The following KIAA1549L variants were observed in gnomAD, a reference collection of about 807,000 sequenced individuals.
KIAA1549L encodes UPF0606 protein KIAA1549L.
In KIAA1549L, 88 loss-of-function variants were observed where a neutral mutation model predicts 160.7. The ratio of observed to expected loss-of-function variants is 0.55; its 90% confidence interval spans 0.46 to 0.65. The LOEUF is 0.65. Ranked by LOEUF, KIAA1549L falls within the 30% of genes least tolerant of loss-of-function variation. The pLI is 0.00. For missense variants in KIAA1549L, 2,258 were observed against 2,437.5 expected (o/e 0.93, Z 1.55); for synonymous variants, 950 against 976.7 (o/e 0.97, Z 0.51).
chr11:33,479,491 A>G (rs1185201241), intron 1 of KIAA1549L, among the ~76,000 whole-genome samples: 2 of 152,260 alleles, frequency 1.3e-5, no homozygotes, highest in Non-Finnish European at 2.9e-5. Context: ...TCTGGGCTGC[A>G]CAGATGACAA....
At position 33,633,139 on chromosome 11, in the gene KIAA1549L, CTTTTTTTTTTTTTTTTTTT is replaced by C. The variant is rs56310347; in HGVS notation, c.5410-12534_5410-12516del. ...GACAGGTGCCCACCACCATGCCCAG[CTTTTTTTTTTTTTTTTTTT>C]TTTTTTTTTTTTGTATTTTTAGTAG... On this transcript the variant is annotated intron_variant, in intron 16 of 20. Coordinates refer to ENST00000658780, the MANE Select transcript of KIAA1549L (RefSeq NM_012194.3). 3.5e-4 allele frequency among the ~76,000 whole-genome samples: 18 copies of C among 50,734 alleles called. No individual in the cohort carries two copies. In the South Asian group the frequency reaches 0.016, roughly 45 times the overall value. The allele number at this position is 50,734 out of a possible 152,430, so 33.3% of individuals were successfully genotyped here.
In KIAA1549L at chr11:33,404,923, G is replaced by T. The variant is rs568580138; in HGVS notation, c.238+28034G>T. Among the ~76,000 whole-genome samples the T allele has an allele frequency of 3.3e-5, 5 of 149,476 alleles. 1 individual carries two copies. Among genetic ancestry groups the T allele is most frequent in the African/African-American group, 1.2e-4 (5 of 40,620 alleles). ...CTCGGGAGGCTGAGGCAGGAAACTT[G>T]CTTGAACCTGGGAGGTGGAGGTTGC... is the stretch of plus-strand genomic sequence containing the variant. On this transcript the variant is annotated intron_variant, in intron 1 of 20. Coordinates refer to ENST00000658780, the MANE Select transcript of KIAA1549L (RefSeq NM_012194.3).
At chr11:33,564,700 T>G (rs1336005881) in intron 8 of KIAA1549L, among the ~76,000 whole-genome samples, 1 of 152,238 alleles carries the variant, frequency 6.6e-6, no homozygotes, top group Non-Finnish European at 1.5e-5. Context: ...ATGGAAAAAT[T>G]TCTTCTGGTC....
rs561548367 is a variant in KIAA1549L, at chr11:33,571,256, C to CTGGTGACAGAGCGAGACTCTG, written c.4230+3042_4230+3062dup. On this transcript the variant is annotated intron_variant, in intron 9 of 20. Transcript: ENST00000658780. ...TGAGATTGCACCCCTGCACTGCAGC[C>CTGGTGACAGAGCGAGACTCTG]TGGTGACAGAGCGAGACTCTGTGGT... Among the ~76,000 whole-genome samples the CTGGTGACAGAGCGAGACTCTG allele has an allele frequency of 4.1e-3, 630 of 152,280 alleles. 4 individuals carry two copies. The highest frequency in any genetic ancestry group is 0.014 in the African/African-American group (600 of 41,536).
intron 1 of KIAA1549L, among the ~76,000 whole-genome samples, chr11:33,429,131 G>A (rs1385688977): frequency 4.6e-5 from 7 of 152,024 alleles, no homozygotes; most frequent in Admixed American, 1.3e-4. Context: ...ACCACTACCC[G>A]CTGCTAATTT....
intron 1 of KIAA1549L, among the ~76,000 whole-genome samples, chr11:33,515,150 A>G (rs1012763378): frequency 2.6e-5 from 4 of 152,326 alleles, no homozygotes; most frequent in Admixed American, 6.5e-5. Context: ...GAGCTGTGGA[A>G]CCCAGTGGTT....
chr11:33,435,798 A>ATATGTGTGTG (rs1565135870), intron 1 of KIAA1549L, among the ~76,000 whole-genome samples: 14 of 7,612 alleles, frequency 1.8e-3, no homozygotes, highest in Non-Finnish European at 2.4e-3. Context: ...ATATATATAT[A>ATATGTGTGTG]TATATATATA....
chr11:33,464,549 C>T (rs1852009597), intron 1 of KIAA1549L, among the ~76,000 whole-genome samples: 1 of 150,294 alleles, frequency 6.7e-6, no homozygotes, highest in African/African-American at 2.5e-5. Flanking sequence ...CGCATTTGTA[C>T]AAGCTAGCTG....
Position 33,609,830 on chromosome 11 carries a change from T to G in KIAA1549L, c.5143T>G (p.Tyr1715Asp), listed in dbSNP as rs554792436. 4 of 1,613,886 alleles carry G rather than the reference T, an allele frequency of 2.5e-6. No homozygotes were observed. In the South Asian group the frequency reaches 4.4e-5, roughly 18 times the overall value. The change falls in exon 15 of 21, where the codon TAC (tyrosine) becomes GAC (aspartate). Residue 1715 changes from tyrosine (Y) to aspartate (D), a missense_variant. Transcript: ENST00000658780. ...CCTCAAAGCCAAGAGGAAGGGATATTACGACTTCCCTGCAGTGGAGACGAG... is the reference window on the plus strand; with the variant it reads ...CCTCAAAGCCAAGAGGAAGGGATATGACGACTTCCCTGCAGTGGAGACGAG... ...LRLKAKRKGYYDFPAVETSKG... is the reference protein window; with the variant it reads ...LRLKAKRKGYDDFPAVETSKG...
intron 1 of KIAA1549L, among the ~76,000 whole-genome samples, chr11:33,439,838 G>A (rs1384479562): frequency 6.6e-6 from 1 of 151,436 alleles, no homozygotes; most frequent in African/African-American, 2.4e-5. Flanking sequence ...GTATTTTCCG[G>A]GTATGTCTTT....
intron 1 of KIAA1549L, among the ~76,000 whole-genome samples, chr11:33,511,491 G>A (rs561676312): frequency 1.3e-5 from 2 of 152,330 alleles, no homozygotes; most frequent in East Asian, 3.9e-4. Flanking sequence ...TATTTCCAAT[G>A]GGAAGATGCT....
chr11:33,488,966 A>G (rs181496037), intron 1 of KIAA1549L, among the ~76,000 whole-genome samples: 49 of 152,326 alleles, frequency 3.2e-4, no homozygotes, highest in African/African-American at 1.1e-3. Context: ...CACAGTTTAC[A>G]GTACATTTCT....
At chr11:33,572,921 C>G (rs930680567) in intron 9 of KIAA1549L, among the ~76,000 whole-genome samples, 3 of 152,228 alleles carry the variant, frequency 2.0e-5, no homozygotes, top group African/African-American at 7.2e-5. Context: ...ACCAAACAGA[C>G]AGGTGTTCCA....
chr11:33,450,635 A>G (rs1751960513), intron 1 of KIAA1549L: 1 of 151,624 alleles, frequency 6.6e-6, no homozygotes, highest in African/African-American at 2.4e-5. Flanking sequence ...TCTTTGCTCA[A>G]CTCCAACACT....
chr11:33,376,774 G>A lies in KIAA1549L; in HGVS notation c.123G>A (p.Thr41=), dbSNP rs1200842424. Residue 41 remains threonine (T), a synonymous_variant, in exon 1 of 21, where the codon ACG becomes ACA. Transcript: ENST00000658780. This position sits in a 1 kb window ranked among gnomAD's most constrained non-coding sequence, Gnocchi z 5.8. The part of the protein sequence containing the change: ...GRAAWGAARC[T]GVRGPGAGAS... Reference sequence around the variant, plus strand: ...CTGCCTGGGGAGCCGCGCGCTGCACGGGTGTGAGGGGCCCCGGGGCCGGCG... The same window carrying A: ...CTGCCTGGGGAGCCGCGCGCTGCACAGGTGTGAGGGGCCCCGGGGCCGGCG... The A allele has an allele frequency of 1.3e-5, 2 of 151,596 alleles. No individual in the cohort carries two copies. Among genetic ancestry groups the A allele is most frequent in the Non-Finnish European group, 2.9e-5 (2 of 67,888 alleles). 9.4% of individuals were successfully genotyped at this position (151,596 alleles called of 1,614,324 possible).
In KIAA1549L at chr11:33,459,421, T is replaced by C. The variant is rs187800389; in HGVS notation, c.239-82381T>C. Among the ~76,000 whole-genome samples, 54 of 152,344 alleles carry C rather than the reference T, an allele frequency of 3.5e-4. 2 individuals carry two copies. The East Asian group carries it at 8.3e-3, about 23-fold the overall frequency. ...ATTACTTGCCCTATCTGCCATCTAA[T>C]GTCACACTGCCTTTGGCCACTTCGT... On this transcript the variant is annotated intron_variant, in intron 1 of 20. Coordinates refer to ENST00000658780, the MANE Select transcript of KIAA1549L (RefSeq NM_012194.3).
chr11:33,656,703 A>C (rs1852075812), intron 18 of KIAA1549L, among the ~76,000 whole-genome samples: 1 of 152,202 alleles, frequency 6.6e-6, no homozygotes, highest in South Asian at 2.1e-4. Context: ...CATGTGGACC[A>C]CTGCCCTGGC....
Position 33,583,543 on chromosome 11 carries a change from G to T in KIAA1549L, c.4566+42G>T, listed in dbSNP as rs770317764. 26 of 1,525,908 alleles carry T rather than the reference G, an allele frequency of 1.7e-5. No homozygotes were observed. In the Admixed American group the frequency reaches 5.3e-4, roughly 31 times the overall value. The allele number at this position is 1,525,908 out of a possible 1,614,324, so 94.5% of individuals were successfully genotyped here. A position where few individuals can be genotyped will look rare whatever the true frequency, so the allele number is the denominator to read the frequency against. On this transcript the variant is annotated intron_variant, in intron 11 of 20. Coordinates refer to ENST00000658780, the MANE Select transcript of KIAA1549L (RefSeq NM_012194.3). The stretch of plus-strand genomic sequence containing the variant: ...GGGAGAGGGGCAGGAGGACAGGCCT[G>T]CAGGAGCTCAGCCTGCCTTTCCCTC...
intron 1 of KIAA1549L, among the ~76,000 whole-genome samples, chr11:33,514,540 T>C (rs533630871): frequency 7.2e-5 from 11 of 152,376 alleles, no homozygotes; most frequent in African/African-American, 2.4e-4. Flanking sequence ...CGGCTTCATA[T>C]CATTTTGCTC....
Sources: gnomAD v4.1 joint callset for allele counts (sites outside exome capture counted in the v4.1 genomes callset) on GRCh38, gnomAD v4.1.1 for gene constraint, Gnocchi (gnomAD v3.1) non-coding constraint, MANE v1.5 for transcripts, NCBI Gene and HGNC (gene_info 2026-07-23, HGNC 2026-07-21) for gene names.